PGAP2: variants seen among roughly 807,000 people sequenced by gnomAD.
PGAP2 encodes the protein acyltransferase PGAP2.
PGAP2 carries 21 observed loss-of-function variants against 33.2 expected under a neutral mutation model. That is an observed-to-expected ratio of 0.63 (90% CI 0.45 to 0.91). The LOEUF is 0.91. Ranked by LOEUF, PGAP2 falls within the 40% of genes least tolerant of loss-of-function variation. The pLI is 0.00. For synonymous variants in PGAP2, 161 were observed against 172.9 expected (o/e 0.93, Z 0.54); for missense variants, 345 against 424.0 (o/e 0.81, Z 1.64).
At chr11:3,802,014 T>G (rs2898936) in intron 1 of PGAP2, among the ~76,000 whole-genome samples, 97,759 of 150,126 alleles carry the variant, frequency 0.65, 33,194 homozygotes, top group East Asian at 0.81. Context: ...TCTAAGACAT[T>G]GATTCTGACA....
chr11:3,802,787 C>G (rs184509776), intron 1 of PGAP2, among the ~76,000 whole-genome samples: 150 of 151,334 alleles, frequency 9.9e-4, no homozygotes, highest in Middle Eastern at 3.5e-3. Flanking sequence ...AATTCCTTGT[C>G]TATGACATGG....
intron 3 of PGAP2, among the ~76,000 whole-genome samples, chr11:3,822,321 G>A (rs1006857883): frequency 6.6e-5 from 10 of 152,072 alleles, no homozygotes; most frequent in African/African-American, 1.9e-4. Context: ...CCAAGATCGC[G>A]CCACTGCACT....
upstream of PGAP2, chr11:3,808,127 C>A (rs1432049727): frequency 2.1e-6 from 3 of 1,460,336 alleles, no homozygotes; most frequent in African/African-American, 1.4e-5. Context: ...ACCGCCCTGA[C>A]GAGCAAAGTT....
At chr11:3,818,888 G>A (rs1245019121) in intron 3 of PGAP2, among the ~76,000 whole-genome samples, 1 of 152,164 alleles carries the variant, frequency 6.6e-6, no homozygotes, top group African/African-American at 2.4e-5. Flanking sequence ...GGACATTGGG[G>A]ATCACTTTCT....
chr11:3,824,478 A>T, intron 5 of PGAP2, 102 bp downstream of exon 5: 1 of 1,572,268 alleles, frequency 6.4e-7, no homozygotes, highest in Non-Finnish European at 8.7e-7. Context: ...CTGAGTTCTA[A>T]TGGGAACCCT....
At chr11:3,825,289 G>A in intron 6 of PGAP2, 39 bp from the exon 7 acceptor site, 1 of 1,603,830 alleles carries the variant, frequency 6.2e-7, no homozygotes, top group Non-Finnish European at 8.5e-7. Context: ...CGGGTAGCTG[G>A]AAGTTCACCA....
intron 5 of PGAP2, chr11:3,824,749 G>T: frequency 7.4e-7 from 1 of 1,344,874 alleles, no homozygotes; most frequent in Non-Finnish European, 9.8e-7. Flanking sequence ...TTGGAGGTGG[G>T]GTTGGTGGGT....
Position 3,817,462 on chromosome 11 carries a change from T to C in PGAP2, c.275T>C (p.Val92Ala). The change falls in exon 3 of 7, where the codon GTG becomes GCG. Residue 92 changes from valine to alanine, a missense_variant. Transcript: ENST00000278243. Reference sequence around the variant, plus strand: ...GTCTGGTGGGCCATCACTTTTCCTGTGTTCGGCTTCTTCTTCTGCATCATC... The same window carrying C: ...GTCTGGTGGGCCATCACTTTTCCTGCGTTCGGCTTCTTCTTCTGCATCATC... ...AMVWWAITFP[V>A]FGFFFCIIWS... 6.2e-7 allele frequency: 1 copy of C among 1,614,200 alleles called. No individual in the cohort carries two copies. The highest frequency in any genetic ancestry group is 8.5e-7 in the Non-Finnish European group (1 of 1,180,014).
At chr11:3,812,829 T>C (rs1378976163) in intron 2 of PGAP2, among the ~76,000 whole-genome samples, 1 of 152,128 alleles carries the variant, frequency 6.6e-6, no homozygotes, top group Non-Finnish European at 1.5e-5. Context: ...TGTCAGTGGG[T>C]AGACATGGGT....
intron 1 of PGAP2, among the ~76,000 whole-genome samples, chr11:3,798,467 T>A (rs2082900615): frequency 6.6e-6 from 1 of 151,914 alleles, no homozygotes; most frequent in South Asian, 2.1e-4. Flanking sequence ...GTAGCTGGGA[T>A]TACAGGCGTC....
At chr11:3,807,313 T>G (rs1446580398), upstream of PGAP2, among the ~76,000 whole-genome samples, 1 of 144,084 alleles carries the variant, frequency 6.9e-6, no homozygotes, top group African/African-American at 2.7e-5. Flanking sequence ...TCACAGGTTT[T>G]TTTTTTTTTT....
At chr11:3,798,024 G>A in intron 1 of PGAP2, 1 of 1,536,932 alleles carries the variant, frequency 6.5e-7, no homozygotes. Context: ...CGCCGGCGCT[G>A]CTGGGAAGGC....
upstream of PGAP2, among the ~76,000 whole-genome samples, chr11:3,806,121 G>A (rs1371238861): frequency 3.3e-5 from 5 of 152,096 alleles, no homozygotes; most frequent in East Asian, 9.6e-4. Flanking sequence ...GCACCTCAAG[G>A]TTTGGGCATT....
upstream of PGAP2, among the ~76,000 whole-genome samples, chr11:3,805,768 C>T (rs1328196163): frequency 1.3e-5 from 2 of 151,564 alleles, no homozygotes; most frequent in Non-Finnish European, 2.9e-5. Flanking sequence ...CTCACTGCAA[C>T]CTCTGCCTCC....
In PGAP2 at chr11:3,824,672, A is replaced by G. The variant is rs2089674160; in HGVS notation, c.708+296A>G. The G allele has an allele frequency of 2.9e-5, 22 of 759,088 alleles. No homozygotes were observed. The South Asian group carries it at 4.0e-4, about 14-fold the overall frequency. The allele number at this position is 759,088 out of a possible 1,614,324, so 47.0% of individuals were successfully genotyped here. On this transcript the variant is annotated intron_variant, in intron 5 of 6. Transcript: ENST00000278243. Reference sequence around the variant, plus strand: ...GCGGCAGTGAGTTAGGAACAGTGTCAGAGGACTGGTCTGTCATAATTCCAG... The same window carrying G: ...GCGGCAGTGAGTTAGGAACAGTGTCGGAGGACTGGTCTGTCATAATTCCAG...
intron 1 of PGAP2, among the ~76,000 whole-genome samples, chr11:3,802,394 T>C (rs1467422809): frequency 1.3e-5 from 2 of 152,254 alleles, no homozygotes; most frequent in Non-Finnish European, 2.9e-5. Flanking sequence ...GTCTAAATTC[T>C]GATAACACCT....
intron 3 of PGAP2, among the ~76,000 whole-genome samples, chr11:3,821,271 C>T (rs1490728522): frequency 6.6e-6 from 1 of 152,238 alleles, no homozygotes; most frequent in Non-Finnish European, 1.5e-5. Flanking sequence ...TCTGGCATCT[C>T]ATTGAAAGAA....
upstream of PGAP2, among the ~76,000 whole-genome samples, chr11:3,807,115 A>T (rs982658177): frequency 1.3e-5 from 2 of 151,566 alleles, no homozygotes; most frequent in African/African-American, 4.8e-5. Context: ...GCGGGGGCAG[A>T]TCACGAGGTC....
intron 1 of PGAP2, among the ~76,000 whole-genome samples, chr11:3,803,507 A>C (rs2083815795): frequency 6.6e-6 from 1 of 151,248 alleles, no homozygotes; most frequent in Non-Finnish European, 1.5e-5. Flanking sequence ...GGCTCACTGC[A>C]ACCTCCGCCT....
Sources: gnomAD v4.1 joint callset for allele counts (sites outside exome capture counted in the v4.1 genomes callset) on GRCh38, gnomAD v4.1.1 for gene constraint, MANE v1.5 for transcripts, NCBI Gene and HGNC (gene_info 2026-07-23, HGNC 2026-07-21) for gene names.